Variants in NKX2-2 observed in about 807,000 individuals in gnomAD.
NKX2-2 encodes NK2 homeobox 2.
A neutral mutation model predicts 24.6 loss-of-function variants in NKX2-2; 8 were observed. The ratio of observed to expected loss-of-function variants is 0.32; its 90% CI spans 0.19 to 0.59. The LOEUF (loss-of-function observed/expected upper bound fraction) is 0.59, where lower values mean the gene tolerates loss of function less well. Among genes scored for constraint, NKX2-2 ranks in the 20% least tolerant of loss-of-function variants. NKX2-2 has a pLI of 0.86. For missense variants in NKX2-2, 381 were observed against 373.9 expected (o/e 1.02, Z -0.16); for synonymous variants, 217 against 173.3 (o/e 1.25, Z -1.98).
chr20:21,512,014 T>C lies in NKX2-2; in HGVS notation c.731A>G (p.His244Arg). The stretch of plus-strand genomic sequence containing the variant: ...GCTGTACTGGGCGTTGTACTGCATG[T>C]GCTGCAGCGACTGCGCGCTGTAGGC... ...FSAYSAQSLQ[H>R]MQYNAQYSSA... Residue 244 changes from histidine to arginine, a missense_variant, in exon 2 of 2, where the codon CAC becomes CGC. Physicochemically the swap from His to Arg is conservative, Grantham distance 29 (BLOSUM62 0). This residue lies in a region of NKX2-2 where 139 missense variants were observed against 121.7 expected (regional missense o/e 1.14). Coordinates refer to ENST00000377142, the MANE Select transcript of NKX2-2 (RefSeq NM_002509.4). The C allele has an allele frequency of 6.2e-7, 1 of 1,613,476 alleles. No homozygotes were observed. The highest frequency in any genetic ancestry group is 1.7e-4 in the Middle Eastern group (1 of 6,060).
At position 21,513,662 on chromosome 20, in the gene NKX2-2, A is replaced by G. The variant is rs781557780; in HGVS notation, c.8T>C (p.Leu3Pro). MSLTNTKTGFSVK... is the reference protein window; with the variant it reads MSPTNTKTGFSVK... ...CGAAAACCCCGTCTTTGTGTTGGTC[A>G]GCGACATGGTTCGAGACCCCAAAAT... The change falls in exon 1 of 2, where the codon CTG becomes CCG. Residue 3 changes from leucine to proline, a missense_variant. Transcript: ENST00000377142. This position sits in a 1 kb window ranked among gnomAD's most constrained non-coding sequence, Gnocchi z 4.6. 1 of 1,567,492 alleles carries G rather than the reference A, an allele frequency of 6.4e-7. No homozygotes were observed. Among genetic ancestry groups the G allele is most frequent in the Non-Finnish European group, 8.6e-7 (1 of 1,160,082 alleles).
upstream of NKX2-2, among the ~76,000 whole-genome samples, chr20:21,518,325 T>A (rs1406995389): frequency 1.3e-5 from 2 of 152,118 alleles, no homozygotes; most frequent in African/African-American, 4.8e-5. Flanking sequence ...TCCGTACACA[T>A]CTCTAGCTCT....
At chr20:21,518,155 T>C (rs1241146997), upstream of NKX2-2, among the ~76,000 whole-genome samples, 1 of 152,134 alleles carries the variant, frequency 6.6e-6, no homozygotes, top group East Asian at 1.9e-4. Context: ...GGGAGGAAGT[T>C]GAGCTGGGTG....
upstream of NKX2-2, among the ~76,000 whole-genome samples, chr20:21,516,184 TC>T (rs1404180689): frequency 2.0e-5 from 3 of 152,172 alleles, no homozygotes; most frequent in African/African-American, 7.2e-5. Flanking sequence ...GTCATGGCAT[TC>T]AACCCTTTTC....
rs774858227 is a variant in NKX2-2 at position 21,512,420 on chromosome 20, C to T, written c.325G>A (p.Asp109Asn). 75 of 1,593,916 alleles carry T rather than the reference C, an allele frequency of 4.7e-5. No individual in the cohort carries two copies. Among genetic ancestry groups the T allele is most frequent in the Non-Finnish European group, 6.0e-5 (70 of 1,175,160 alleles). Residue 109 changes from aspartate (D) to asparagine (N), a missense_variant, in exon 2 of 2, where the codon GAC becomes AAC. Asp to Asn is a conservative substitution (Grantham distance 23). Transcript: ENST00000377142. ...SSSKSPEPSA[D>N]ESPDNDKETP... ...TCCTTGTCATTGTCCGGTGACTCGT[C>T]GGCCGAGGGCTCCGGGGACTTGGAG...
the NKX2-2 span, among the ~76,000 whole-genome samples, chr20:21,521,694 T>C: frequency 6.6e-6 from 1 of 152,130 alleles, no homozygotes; most frequent in Non-Finnish European, 1.5e-5. Flanking sequence ...GGGGGCGACT[T>C]ACCCGGTGGA....
upstream of NKX2-2, among the ~76,000 whole-genome samples, chr20:21,514,862 G>C (rs1477864187): frequency 1.4e-4 from 21 of 152,204 alleles, 1 homozygote; most frequent in Non-Finnish European, 7.3e-5. Flanking sequence ...ACCCAGGAGA[G>C]AGCTCCGCTC....
intron 1 of NKX2-2, among the ~76,000 whole-genome samples, chr20:21,512,900 G>T (rs987339354): frequency 5.3e-5 from 8 of 152,180 alleles, no homozygotes; most frequent in Non-Finnish European, 1.2e-4. Flanking sequence ...GTTTTTGGGG[G>T]CTTTCGTTTC....
At chr20:21,512,780 T>C (rs1980489225) in intron 1 of NKX2-2, among the ~76,000 whole-genome samples, 1 of 151,584 alleles carries the variant, frequency 6.6e-6, no homozygotes, top group Non-Finnish European at 1.5e-5. Context: ...TCATCGCGGG[T>C]TAAGGGCTCC....
Position 21,513,481 on chromosome 20 carries a change from G to C in NKX2-2, c.189C>G (p.Asn63Lys). 1 of 1,611,068 alleles carries C rather than the reference G, an allele frequency of 6.2e-7. No homozygotes were observed. Among genetic ancestry groups the C allele is most frequent in the East Asian group, 2.2e-5 (1 of 44,622 alleles). Residue 63 changes from asparagine (N) to lysine (K), a missense_variant, in exon 1 of 2, where the codon AAC (asparagine) becomes AAG (lysine). By Grantham distance (94) the Asn-to-Lys change is moderately conservative. This residue lies in a region of NKX2-2 where 206 missense variants were observed against 173.1 expected (regional missense o/e 1.19). Transcript: ENST00000377142. This position sits in a 1 kb window ranked among gnomAD's most constrained non-coding sequence, Gnocchi z 4.6. ...GGTTGTCGCTGCTGTCGTAGAAGGG[G>C]TTCTTCAGGGGCAGGCTCTGCACCG... ...LDAVQSLPLK[N>K]PFYDSSDNPY...
chr20:21,516,188 C>T (rs1259962573), upstream of NKX2-2, among the ~76,000 whole-genome samples: 1 of 152,176 alleles, frequency 6.6e-6, no homozygotes, highest in Non-Finnish European at 1.5e-5. Flanking sequence ...TGGCATTCAA[C>T]CCTTTTCAAT....
At position 21,513,562 on chromosome 20, in the gene NKX2-2, G is replaced by T. The variant is rs201064818; in HGVS notation, c.108C>A (p.Asn36Lys). ...CCCTCTTGGCTGGCTCGGGCCCCTC[G>T]TTCTCTTCCTCCGGACCTTCGGCCA... The part of the protein sequence containing the change: ...GSVAEGPEEE[N>K]EGPEPAKRAG... The change falls in exon 1 of 2, where the codon AAC becomes AAA. Residue 36 changes from asparagine to lysine, a missense_variant. Asn to Lys is a moderately conservative substitution (Grantham distance 94). Around this residue, in one of 3 missense-constraint regions of NKX2-2, gnomAD observed 206 missense variants for 173.1 expected, o/e 1.19. Coordinates refer to ENST00000377142, the MANE Select transcript of NKX2-2 (RefSeq NM_002509.4). The surrounding 1 kb of genome is among the most constrained non-coding windows in gnomAD (Gnocchi z 4.6). 2.9e-4 allele frequency: 472 copies of T among 1,613,454 alleles called. 3 individuals are homozygous for T. In the East Asian group the frequency reaches 7.5e-3, roughly 26 times the overall value.
upstream of NKX2-2, among the ~76,000 whole-genome samples, chr20:21,517,621 G>C (rs1192446165): frequency 1.3e-5 from 2 of 152,216 alleles, no homozygotes; most frequent in Non-Finnish European, 2.9e-5. Context: ...ACGCCGGGAG[G>C]CCTGCGCAGG....
the NKX2-2 span, among the ~76,000 whole-genome samples, chr20:21,522,391 C>G: frequency 5.9e-5 from 9 of 152,152 alleles, no homozygotes; most frequent in Non-Finnish European, 7.4e-5. Flanking sequence ...AGCGCGTTCC[C>G]GCGCCGGGCG....
chr20:21,515,067 G>C (rs1980591551), upstream of NKX2-2, among the ~76,000 whole-genome samples: 1 of 152,068 alleles, frequency 6.6e-6, no homozygotes, highest in South Asian at 2.1e-4. Context: ...GGCGGGGTAA[G>C]AGTGAGGAGC....
At chr20:21,522,504 G>C in the NKX2-2 span, among the ~76,000 whole-genome samples, 33 of 152,050 alleles carry the variant, frequency 2.2e-4, no homozygotes, top group Non-Finnish European at 7.4e-5. Context: ...GGGCTCCGCC[G>C]GGTGCCCCGC....
upstream of NKX2-2, among the ~76,000 whole-genome samples, chr20:21,516,390 C>CTT (rs5840920): frequency 1.4e-4 from 19 of 134,940 alleles, no homozygotes; most frequent in African/African-American, 2.5e-4. Flanking sequence ...ACTTTTCGTG[C>CTT]TTTTTTTTTT....
Position 21,512,403 on chromosome 20 carries a change from A to T in NKX2-2, c.342T>A (p.Asn114Lys), listed in dbSNP as rs1369189847. 2 of 1,599,232 alleles carry T rather than the reference A, an allele frequency of 1.3e-6. No individual in the cohort carries two copies. Among genetic ancestry groups the T allele is most frequent in the East Asian group, 4.5e-5 (2 of 44,500 alleles). The change falls in exon 2 of 2, where the codon AAT (asparagine) becomes AAA (lysine). Residue 114 changes from asparagine (N) to lysine (K), a missense_variant. Physicochemically the swap from Asn to Lys is moderately conservative, Grantham distance 94. Around this residue, in one of 3 missense-constraint regions of NKX2-2, gnomAD observed 206 missense variants for 173.1 expected, o/e 1.19. Transcript: ENST00000377142. ...CCCCGCCGCCCGGGGTCTCCTTGTC[A>T]TTGTCCGGTGACTCGTCGGCCGAGG... ...PEPSADESPD[N>K]DKETPGGGGD...
At position 21,512,219 on chromosome 20, in the gene NKX2-2, A is replaced by T; in HGVS notation, c.526T>A (p.Phe176Ile). The change falls in exon 2 of 2, where the codon TTC (phenylalanine) becomes ATC (isoleucine). Residue 176 changes from phenylalanine to isoleucine, a missense_variant. By Grantham distance (21) the Phe-to-Ile change is conservative. Coordinates refer to ENST00000377142, the MANE Select transcript of NKX2-2 (RefSeq NM_002509.4). ...TTCATCTTGTAGCGGTGGTTCTGGA[A>T]CCAGATCTTGACCTGCGTGGGCGTG... ...RLTPTQVKIWFQNHRYKMKRA... is the reference protein window; with the variant it reads ...RLTPTQVKIWIQNHRYKMKRA... 1 of 1,613,966 alleles carries T rather than the reference A, an allele frequency of 6.2e-7. No homozygotes were observed. Among genetic ancestry groups the T allele is most frequent in the Non-Finnish European group, 8.5e-7 (1 of 1,179,934 alleles).
Sources: allele counts gnomAD v4.1 joint callset (sites outside exome capture counted in the v4.1 genomes callset), GRCh38; gene constraint gnomAD v4.1.1; regional missense constraint gnomAD v4.1.1; non-coding constraint Gnocchi (gnomAD v3.1); transcripts MANE v1.5; gene names NCBI Gene and HGNC (gene_info 2026-07-23, HGNC 2026-07-21).